Variants in SH3RF3 observed in about 807,000 individuals in gnomAD.
The protein encoded by SH3RF3 is SH3 domain containing ring finger 3.
In SH3RF3, 29 loss-of-function variants were observed where a neutral mutation model predicts 66.3. The observed-to-expected ratio is 0.44, with a 90% confidence interval of 0.33 to 0.60. The LOEUF (loss-of-function observed/expected upper bound fraction) is 0.60, where lower values mean the gene tolerates loss of function less well. SH3RF3 is among the 20% of genes least tolerant of loss of function. SH3RF3 has a pLI of 0.04. For synonymous variants in SH3RF3, 583 were observed against 532.0 expected, an observed-to-expected ratio of 1.10 and a Z score of -1.32; for missense variants, 1,194 against 1,190.9, an observed-to-expected ratio of 1.00 and a Z score of -0.04.
At chr2:109,195,436 T>G (rs757440390) in intron 1 of SH3RF3, among the ~76,000 whole-genome samples, 9 of 152,260 alleles carry the variant, frequency 5.9e-5, no homozygotes, top group Non-Finnish European at 1.0e-4. Context: ...CACTCATGCC[T>G]GAGTGTCAAC....
chr2:109,416,135 C>T (rs1423717041), intron 4 of SH3RF3, among the ~76,000 whole-genome samples: 1 of 152,160 alleles, frequency 6.6e-6, no homozygotes, highest in African/African-American at 2.4e-5. Flanking sequence ...TATAAATTAC[C>T]CAGTTTTAGG....
chr2:109,395,713 A>G (rs1395290483), intron 3 of SH3RF3, among the ~76,000 whole-genome samples: 1 of 152,186 alleles, frequency 6.6e-6, no homozygotes, highest in Non-Finnish European at 1.5e-5. Flanking sequence ...GTGGCCGCCC[A>G]GTGCTCAGTG....
chr2:109,375,957 A>G (rs1385042984), intron 3 of SH3RF3, among the ~76,000 whole-genome samples: 1 of 152,128 alleles, frequency 6.6e-6, no homozygotes, highest in Non-Finnish European at 1.5e-5. Flanking sequence ...GCCTGTGGTC[A>G]CCCCCTTTAC....
intron 1 of SH3RF3, among the ~76,000 whole-genome samples, chr2:109,316,002 C>T (rs918864151): frequency 5.3e-5 from 8 of 152,194 alleles, no homozygotes; most frequent in Non-Finnish European, 2.9e-5. Flanking sequence ...ATTATATGTG[C>T]ATGCATCAGG....
chr2:109,249,463 CTT>C (rs1327219301), intron 1 of SH3RF3, among the ~76,000 whole-genome samples: 1 of 135,478 alleles, frequency 7.4e-6, no homozygotes, highest in South Asian at 2.5e-4. Flanking sequence ...CTCTTTCTCT[CTT>C]TCTCTTTCTT....
At chr2:109,146,898 C>T (rs868186361) in intron 1 of SH3RF3, among the ~76,000 whole-genome samples, 2 of 104,208 alleles carry the variant, frequency 1.9e-5, no homozygotes, top group Non-Finnish European at 3.8e-5. Flanking sequence ...CCCCCCCCCC[C>T]CCCGCCCCAA....
intron 8 of SH3RF3, among the ~76,000 whole-genome samples, chr2:109,481,449 G>A (rs1573288086): frequency 6.6e-6 from 1 of 152,228 alleles, no homozygotes; most frequent in South Asian, 2.1e-4. Context: ...CTTCTGGTAT[G>A]TTCTCGGTGA....
intron 1 of SH3RF3, among the ~76,000 whole-genome samples, chr2:109,232,236 A>G (rs1411587334): frequency 3.9e-5 from 6 of 152,250 alleles, no homozygotes; most frequent in African/African-American, 1.4e-4. Flanking sequence ...ACCCAACAAC[A>G]TAGGAGAATT....
intron 1 of SH3RF3, among the ~76,000 whole-genome samples, chr2:109,346,175 CA>C (rs1462134844): frequency 1.3e-5 from 2 of 152,130 alleles, no homozygotes; most frequent in Non-Finnish European, 2.9e-5. Flanking sequence ...TTATTGGAAG[CA>C]AACGGATTTT....
In SH3RF3 at chr2:109,398,729, C is replaced by T. The variant is rs573351208; in HGVS notation, c.1085C>T (p.Ala362Val). The T allele has an allele frequency of 3.5e-5, 57 of 1,613,228 alleles. No individual in the cohort carries two copies. Among genetic ancestry groups the T allele is most frequent in the African/African-American group, 8.0e-5 (6 of 75,060 alleles). The change falls in exon 4 of 10, where the codon GCG becomes GTG. Residue 362 changes from alanine (A) to valine (V), a missense_variant. By Grantham distance (64) the Ala-to-Val change is moderately conservative. Coordinates refer to ENST00000309415, the MANE Select transcript of SH3RF3 (RefSeq NM_001099289.3). ...AGTCCCACTTTAAGCAGCTCAGGGG[C>T]GGTCAGTGCCTTTCAGCGGCGTGTG... Reference protein sequence around the residue: ...APSPTLSSSGAVSAFQRRVDG... With the variant: ...APSPTLSSSGVVSAFQRRVDG...
At chr2:109,339,688 C>G (rs575085457) in intron 1 of SH3RF3, among the ~76,000 whole-genome samples, 1 of 152,292 alleles carries the variant, frequency 6.6e-6, no homozygotes, top group South Asian at 2.1e-4. Context: ...GGGACTTGCT[C>G]AAGTACTCCT....
intron 8 of SH3RF3, among the ~76,000 whole-genome samples, chr2:109,483,191 T>C (rs1431218924): frequency 6.6e-6 from 1 of 152,224 alleles, no homozygotes; most frequent in African/African-American, 2.4e-5. Context: ...TAATTACCTT[T>C]TCCCCATCTC....
chr2:109,455,604 A>C (rs771277468), intron 8 of SH3RF3, among the ~76,000 whole-genome samples: 7 of 152,202 alleles, frequency 4.6e-5, no homozygotes, highest in Non-Finnish European at 1.0e-4. Flanking sequence ...ATCCAATCTG[A>C]AGAAATCTTG....
intron 8 of SH3RF3, among the ~76,000 whole-genome samples, chr2:109,480,927 C>G (rs1559106367): frequency 6.6e-6 from 1 of 152,112 alleles, no homozygotes; most frequent in Non-Finnish European, 1.5e-5. Flanking sequence ...GAAGAAGCGG[C>G]AGATAAAAGG....
rs1224990889 is a variant in SH3RF3 at position 109,501,787 on chromosome 2, G to A, written c.*116G>A. The A allele has an allele frequency of 1.6e-6, 1 of 627,050 alleles. No homozygotes were observed. The highest frequency in any genetic ancestry group is 2.9e-6 in the Non-Finnish European group (1 of 348,136). The allele number at this position is 627,050 out of a possible 1,614,324, so 38.8% of individuals were successfully genotyped here. A position where few individuals can be genotyped will look rare whatever the true frequency, so the allele number is the denominator to read the frequency against. On this transcript the variant is annotated 3_prime_UTR_variant, in exon 10 of 10. Transcript: ENST00000309415. ...GTTCCAGGTCATCTCCAAGGCACCT[G>A]GCGGGGGATACCCTGGCCCAGGGTG...
chr2:109,350,262 G>A (rs1378233852), intron 2 of SH3RF3, among the ~76,000 whole-genome samples: 2 of 152,244 alleles, frequency 1.3e-5, no homozygotes, highest in Non-Finnish European at 2.9e-5. Flanking sequence ...TCTGGAAGGT[G>A]ACCTCTTGGT....
intron 1 of SH3RF3, among the ~76,000 whole-genome samples, chr2:109,211,456 G>A (rs116310014): frequency 1.3e-5 from 2 of 152,268 alleles, no homozygotes; most frequent in Admixed American, 6.5e-5. Context: ...AGTAGGGGCC[G>A]TGTCTGAGAA....
At chr2:109,243,558 C>A (rs72935405) in intron 1 of SH3RF3, among the ~76,000 whole-genome samples, 3,049 of 152,210 alleles carry the variant, frequency 0.02, 110 homozygotes, top group African/African-American at 0.069. Context: ...CCATGGGAAC[C>A]TATAATGGAG....
At chr2:109,285,058 A>G (rs1680998006) in intron 1 of SH3RF3, among the ~76,000 whole-genome samples, 1 of 152,242 alleles carries the variant, frequency 6.6e-6, no homozygotes, top group Non-Finnish European at 1.5e-5. Flanking sequence ...GGCCGGCCAC[A>G]CAGCCCTGTC....
Sources: gnomAD v4.1 joint callset for allele counts (sites outside exome capture counted in the v4.1 genomes callset) on GRCh38, gnomAD v4.1.1 for gene constraint, MANE v1.5 for transcripts, NCBI Gene and HGNC (gene_info 2026-07-23, HGNC 2026-07-21) for gene names.